The following PREPL variants were observed in gnomAD, a reference collection of about 807,000 sequenced individuals.
PREPL encodes the protein prolyl endopeptidase-like.
In PREPL, 77 loss-of-function variants were observed where a neutral mutation model predicts 70.6. The ratio of observed to expected loss-of-function variants is 1.09; its 90% confidence interval spans 0.91 to 1.32. The LOEUF (loss-of-function observed/expected upper bound fraction) is 1.32, where lower values mean the gene tolerates loss of function less well. Among genes scored for constraint, PREPL ranks in the 40% most tolerant of loss-of-function variants. PREPL has a pLI of 0.00. For synonymous variants in PREPL, 315 were observed against 264.8 expected (o/e 1.19, Z -1.84); for missense variants, 1,002 against 778.2 (o/e 1.29, Z -3.42).
rs761541250 is a variant in PREPL, at chr2:44,320,661, G to A, written c.*695C>T. 3 of 1,579,984 alleles carry A rather than the reference G, an allele frequency of 1.9e-6. No individual in the cohort carries two copies. The highest frequency in any genetic ancestry group is 2.2e-5 in the East Asian group (1 of 44,748). On this transcript the variant is annotated 3_prime_UTR_variant, in exon 14 of 14. Coordinates refer to ENST00000409411, the MANE Select transcript of PREPL (RefSeq NM_001171613.2). ...TTAGGCACCTTTATGAAGAGATGAA[G>A]ACACTGGCATTTCAGTGGGATTGTA...
chr2:44,321,936 G>C, intron 12 of PREPL, 36 bp from the exon 13 acceptor site: 1 of 1,584,042 alleles, frequency 6.3e-7, no homozygotes, highest in Non-Finnish European at 8.6e-7. Context: ...TTAGAAGATT[G>C]TATGGGATCT....
At chr2:44,329,178 T>G in intron 8 of PREPL, 66 bp from the exon 9 acceptor site, 1 of 1,346,198 alleles carries the variant, frequency 7.4e-7, no homozygotes, top group Non-Finnish European at 1.0e-6. Flanking sequence ...TATCCCAATT[T>G]AAAATACATT....
At position 44,339,239 on chromosome 2, in the gene PREPL, G is replaced by C. The variant is rs1464495794; in HGVS notation, c.610C>G (p.Gln204Glu). 4 of 1,613,968 alleles carry C rather than the reference G, an allele frequency of 2.5e-6. No homozygotes were observed. The highest frequency in any genetic ancestry group is 3.4e-6 in the Non-Finnish European group (4 of 1,180,008). Residue 204 changes from glutamine to glutamate, a missense_variant, in exon 6 of 14, where the codon CAG becomes GAG. Coordinates refer to ENST00000409411, the MANE Select transcript of PREPL (RefSeq NM_001171613.2). Reference sequence around the variant, plus strand: ...TAAAGGACCCCATGTATTCGCTTCTGGATAAGTACTGGTGGGTCCCAAGGG... The same window carrying C: ...TAAAGGACCCCATGTATTCGCTTCTCGATAAGTACTGGTGGGTCCCAAGGG... ...LSPWDPPVLI[Q>E]KRIHGVLYYV...
rs756590077 is a variant in PREPL, at chr2:44,323,417, A to G, written c.1480-6T>C. ...AGAACATCCAAGAAAGGTGCCTAAA[A>G]AAAAGGCAAAGAAACTTATACTTCA... On this transcript the variant is annotated splice_region_variant and splice_polypyrimidine_tract_variant and intron_variant, in intron 10 of 13. Transcript: ENST00000409411. 5.9e-5 allele frequency: 93 copies of G among 1,572,964 alleles called. 1 individual carries two copies. The highest frequency in any genetic ancestry group is 4.1e-4 in the African/African-American group (30 of 72,642).
rs1165265075 is a variant in PREPL, at chr2:44,323,208, T to A, written c.1629+54A>T. On this transcript the variant is annotated intron_variant, in intron 11 of 13. Transcript: ENST00000409411. ...TGCTTCAGCTTGGATAAGTTTTTTT[T>A]TTATTATCTTCTGTGTAAATTCAGG... is the stretch of plus-strand genomic sequence containing the variant. 7 of 1,480,268 alleles carry A rather than the reference T, an allele frequency of 4.7e-6. No individual in the cohort carries two copies. The African/African-American group carries it at 1.0e-4, about 21-fold the overall frequency. 91.7% of individuals were successfully genotyped at this position (1,480,268 alleles called of 1,614,324 possible). A position where few individuals can be genotyped will look rare whatever the true frequency, so the allele number is the denominator to read the frequency against.
chr2:44,329,327 A>G (rs890084485), intron 8 of PREPL, among the ~76,000 whole-genome samples: 3 of 152,222 alleles, frequency 2.0e-5, no homozygotes, highest in Non-Finnish European at 4.4e-5. Context: ...TAACCAGAAA[A>G]GAGCAGCAAG....
At chr2:44,328,609 T>G (rs2103781575) in intron 9 of PREPL, among the ~76,000 whole-genome samples, 1 of 152,084 alleles carries the variant, frequency 6.6e-6, no homozygotes, top group East Asian at 1.9e-4. Context: ...TGAAAACAGC[T>G]GAAATAAAAT....
chr2:44,337,795 T>C (rs1171011947), intron 7 of PREPL, among the ~76,000 whole-genome samples: 1 of 152,244 alleles, frequency 6.6e-6, no homozygotes, highest in Non-Finnish European at 1.5e-5. Context: ...TGCCAAGCAG[T>C]CTTGCCACTA....
Position 44,322,843 on chromosome 2 carries a change from T to G in PREPL, c.1641A>C (p.Ser547=). Residue 547 remains serine, a synonymous_variant, in exon 12 of 14, where the codon TCA becomes TCC. Transcript: ENST00000409411. ...YQNIKPQHYP[S]IHITAYENDE... ...CGTTTTCATATGCCGTTATGTGAAT[T>G]GAAGGATAATGCTGAAAGAAAATAC... 6.2e-7 allele frequency: 1 copy of G among 1,613,614 alleles called. No individual in the cohort carries two copies. The highest frequency in any genetic ancestry group is 8.5e-7 in the Non-Finnish European group (1 of 1,179,696).
In PREPL at chr2:44,342,432, G is replaced by C. The variant is rs374720840; in HGVS notation, c.470C>G (p.Thr157Arg). ...ATTCTAGTACCTTGGGTCTTTTTCT[G>C]TGTAAAAGCGTTCATTACGTTTGTT... ...GDNKRNERFY[T>R]EKDPSYFVFL... The change falls in exon 5 of 14, where the codon ACA becomes AGA. Residue 157 changes from threonine to arginine, a missense_variant. Thr to Arg is a moderately conservative substitution (Grantham distance 71). Transcript: ENST00000409411. 3 of 1,611,826 alleles carry C rather than the reference G, an allele frequency of 1.9e-6. No individual in the cohort carries two copies. The highest frequency in any genetic ancestry group is 2.2e-5 in the South Asian group (2 of 90,860).
intron 3 of PREPL, 104 bp from the exon 4 acceptor site, chr2:44,344,055 C>G: frequency 2.3e-6 from 3 of 1,330,856 alleles, no homozygotes; most frequent in Non-Finnish European, 2.0e-6. Flanking sequence ...CTGTAAGAGG[C>G]CATATCCTAG....
At chr2:44,341,910 C>T (rs1240755991) in intron 5 of PREPL, among the ~76,000 whole-genome samples, 2 of 152,030 alleles carry the variant, frequency 1.3e-5, no homozygotes, top group Non-Finnish European at 1.5e-5. Flanking sequence ...AGTAGCAACA[C>T]ATACTTTAAA....
intron 1 of PREPL, among the ~76,000 whole-genome samples, chr2:44,358,995 C>G (rs1677355089): frequency 6.6e-6 from 1 of 151,554 alleles, no homozygotes; most frequent in Admixed American, 6.6e-5. Flanking sequence ...TAAGGAAGTC[C>G]TGAGGTGAAT....
intron 2 of PREPL, among the ~76,000 whole-genome samples, chr2:44,345,096 T>C (rs1250926936): frequency 3.3e-5 from 5 of 152,208 alleles, no homozygotes; most frequent in African/African-American, 9.6e-5. Context: ...TCACCTGCTG[T>C]AGGGTGACAA....
chr2:44,328,494 C>A lies in PREPL; in HGVS notation c.1262+443G>T, dbSNP rs138941456. 4.2e-5 allele frequency among the ~76,000 whole-genome samples: 6 copies of A among 143,922 alleles called. No homozygotes were observed. The East Asian group carries it at 6.0e-4, about 14-fold the overall frequency. 94.4% of individuals were successfully genotyped at this position (143,922 alleles called of 152,430 possible). A position where few individuals can be genotyped will look rare whatever the true frequency, so the allele number is the denominator to read the frequency against. ...TGATGCTAAATGCCGCTACAGAGAT[C>A]CATCAGACCATTAGGAGTATTATAC... On this transcript the variant is annotated intron_variant, in intron 9 of 13. Coordinates refer to ENST00000409411, the MANE Select transcript of PREPL (RefSeq NM_001171613.2).
chr2:44,361,555 CCAATCTACGTAACCT>C (rs1189186585), upstream of PREPL: 5 of 155,332 alleles, frequency 3.2e-5, no homozygotes, highest in African/African-American at 1.2e-4. Context: ...TTGCAGCACG[CCAATCTACGTAACCT>C]CAATCTAGCA....
chr2:44,343,541 T>C (rs1393237089), intron 4 of PREPL, among the ~76,000 whole-genome samples: 3 of 151,850 alleles, frequency 2.0e-5, no homozygotes, highest in South Asian at 4.1e-4. Context: ...TTTAAAAACA[T>C]GAGTATTTTA....
intron 10 of PREPL, among the ~76,000 whole-genome samples, chr2:44,324,212 G>A (rs1196469254): frequency 1.3e-5 from 2 of 152,214 alleles, no homozygotes; most frequent in Admixed American, 6.6e-5. Flanking sequence ...TATGTGAGGT[G>A]TTTGAGTAGT....
chr2:44,331,266 G>C (rs1369333924), intron 8 of PREPL, among the ~76,000 whole-genome samples: 1 of 151,436 alleles, frequency 6.6e-6, no homozygotes, highest in African/African-American at 2.4e-5. Context: ...GTAGGCTGGA[G>C]AGCAGTGGTG....
Sources: gnomAD v4.1 joint callset for allele counts (sites outside exome capture counted in the v4.1 genomes callset) on GRCh38, gnomAD v4.1.1 for gene constraint, MANE v1.5 for transcripts, NCBI Gene and HGNC (gene_info 2026-07-23, HGNC 2026-07-21) for gene names.